CD163: variants seen among roughly 807,000 people sequenced by gnomAD.
CD163 encodes the protein CD163 molecule.
Under a neutral mutation model 129.2 loss-of-function variants are expected in CD163, and 64 were observed. The observed-to-expected ratio is 0.50, with a 90% CI of 0.41 to 0.61. The LOEUF (loss-of-function observed/expected upper bound fraction) is 0.61, where lower values mean the gene tolerates loss of function less well. CD163 is among the 20% of genes least tolerant of loss of function. The pLI, the probability that CD163 is intolerant of heterozygous loss-of-function variation, is 0.00. For synonymous variants in CD163, 446 were observed against 478.5 expected (o/e 0.93, Z 0.89); for missense variants, 1,061 against 1,377.9 (o/e 0.77, Z 3.64).
chr12:7,483,231 A>C, intron 12 of CD163, 136 bp downstream of exon 12: 1 of 864,300 alleles, frequency 1.2e-6, no homozygotes, highest in Non-Finnish European at 1.8e-6. Flanking sequence ...TTCTTTCAGT[A>C]GAGACATTAT....
intron 4 of CD163, 85 bp from the exon 5 acceptor site, chr12:7,497,218 A>G: frequency 9.1e-7 from 1 of 1,099,076 alleles, no homozygotes; most frequent in Non-Finnish European, 1.3e-6. Flanking sequence ...GAGTTAAGGA[A>G]AAGGGGAGAG....
intron 1 of CD163, among the ~76,000 whole-genome samples, chr12:7,503,379 T>C (rs1001934837): frequency 6.6e-6 from 1 of 152,234 alleles, no homozygotes; most frequent in Admixed American, 6.5e-5. Flanking sequence ...CAACTATTTT[T>C]TCATACTCAG....
intron 6 of CD163, among the ~76,000 whole-genome samples, chr12:7,492,963 G>C (rs1301168278): frequency 1.3e-5 from 2 of 152,264 alleles, no homozygotes; most frequent in Non-Finnish European, 2.9e-5. Context: ...TAAGGCAGTG[G>C]TCAATAATTA....
At position 7,485,201 on chromosome 12, in the gene CD163, T is replaced by TG; in HGVS notation, c.2673dup (p.Asn892GlnfsTer9). ...TCAGGTCCTTTTGGACACTGAACATTGTCCACCCACATGGGAATGGACATG... is the reference window on the plus strand; with the variant it reads ...TCAGGTCCTTTTGGACACTGAACATTGGTCCACCCACATGGGAATGGACATG... On this transcript the variant is annotated frameshift_variant, in exon 11 of 17. Transcript: ENST00000432237. LOFTEE classifies it high-confidence loss of function. The surrounding 1 kb of genome is among the most constrained non-coding windows in gnomAD (Gnocchi z 4.5). The TG allele has an allele frequency of 6.2e-7, 1 of 1,614,236 alleles. No homozygotes were observed. The highest frequency in any genetic ancestry group is 8.5e-7 in the Non-Finnish European group (1 of 1,180,026).
chr12:7,502,952 T>C (rs1391142973), intron 1 of CD163, among the ~76,000 whole-genome samples: 4 of 152,216 alleles, frequency 2.6e-5, no homozygotes, highest in Non-Finnish European at 5.9e-5. Context: ...TATTCAATTA[T>C]GGATGCCCCC....
In CD163 at chr12:7,501,451, T is replaced by C. The variant is rs1197779055; in HGVS notation, c.145A>G (p.Lys49Glu). The C allele has an allele frequency of 6.2e-7, 1 of 1,613,434 alleles. No homozygotes were observed. The highest frequency in any genetic ancestry group is 1.1e-5 in the South Asian group (1 of 91,074). The change falls in exon 3 of 17, where the codon AAG (lysine) becomes GAG (glutamate). Residue 49 changes from lysine (K) to glutamate (E), a missense_variant. Physicochemically the swap from Lys to Glu is moderately conservative, Grantham distance 56. Coordinates refer to ENST00000432237, the MANE Select transcript of CD163 (RefSeq NM_203416.4). ...FVTSSLGGTD[K>E]ELRLVDGENK... ...TCACCATCCACTAGCCTCAGCTCCT[T>C]GTCTGTTCCTCCTGCAACAATGGAT...
At chr12:7,499,315 C>T in intron 3 of CD163, 127 bp from the exon 4 acceptor site, 1 of 731,400 alleles carries the variant, frequency 1.4e-6, no homozygotes, top group Non-Finnish European at 2.3e-6. Context: ...TTGGACATTG[C>T]CCAGCTCCAC....
In CD163 at chr12:7,485,716, A is replaced by G. The variant is rs1591999640; in HGVS notation, c.2459-300T>C. Among the ~76,000 whole-genome samples, 2 of 152,114 alleles carry G rather than the reference A, an allele frequency of 1.3e-5. No homozygotes were observed. The highest frequency in any genetic ancestry group is 6.5e-5 in the Admixed American group (1 of 15,268). On this transcript the variant is annotated intron_variant, in intron 10 of 16. Coordinates refer to ENST00000432237, the MANE Select transcript of CD163 (RefSeq NM_203416.4). This position sits in a 1 kb window ranked among gnomAD's most constrained non-coding sequence, Gnocchi z 4.5. The stretch of plus-strand genomic sequence containing the variant: ...ACATAGTTTGGATTTTTTCCCAAAA[A>G]TATTCTCCTTTTTTTGCAACTGTCT...
chr12:7,502,548 A>G lies in CD163; in HGVS notation c.63T>C (p.Phe21=), dbSNP rs762061744. 13 of 1,572,912 alleles carry G rather than the reference A, an allele frequency of 8.3e-6. No homozygotes were observed. Among genetic ancestry groups the G allele is most frequent in the Non-Finnish European group, 1.1e-5 (13 of 1,149,242 alleles). Residue 21 remains phenylalanine, a synonymous_variant, in exon 2 of 17, where the codon TTT becomes TTC. Transcript: ENST00000432237. ...DSGSADFRRH[F]VNLSPFTITV... ...TAATGGTGAAGGGACTCAAGTTGAC[A>G]AAATGTCTTCTGAAGTCTGTGAAAA...
chr12:7,473,984 G>A (rs1393201291), intron 16 of CD163, among the ~76,000 whole-genome samples: 1 of 151,930 alleles, frequency 6.6e-6, no homozygotes, highest in Non-Finnish European at 1.5e-5. Context: ...AGACACAGAA[G>A]GTCATTACAT....
At chr12:7,495,422 T>C (rs1949386735) in intron 5 of CD163, 21 bp from the exon 6 acceptor site, 1 of 1,607,914 alleles carries the variant, frequency 6.2e-7, no homozygotes, top group Non-Finnish European at 8.5e-7. Flanking sequence ...AACATAAACT[T>C]AAACCATCGA....
intron 3 of CD163, among the ~76,000 whole-genome samples, chr12:7,500,886 C>A (rs1273948610): frequency 6.6e-6 from 1 of 152,112 alleles, no homozygotes; most frequent in Non-Finnish European, 1.5e-5. Context: ...TAAACCACCA[C>A]TTCTTGGCTT....
intron 11 of CD163, among the ~76,000 whole-genome samples, chr12:7,484,354 T>C (rs1018243739): frequency 6.6e-6 from 1 of 152,080 alleles, no homozygotes; most frequent in African/African-American, 2.4e-5. Context: ...TAAGAAGATG[T>C]AGAGGCCAGG....
At chr12:7,484,639 C>CAAAAA (rs10690784) in intron 11 of CD163, among the ~76,000 whole-genome samples, 6 of 100,452 alleles carry the variant, frequency 6.0e-5, no homozygotes, top group Non-Finnish European at 7.4e-5. Flanking sequence ...AACTCTGTCT[C>CAAAAA]AAAAAAAAAA....
intron 14 of CD163, 22 bp from the exon 15 acceptor site, chr12:7,481,278 T>C: frequency 3.2e-6 from 5 of 1,551,346 alleles, no homozygotes; most frequent in South Asian, 1.1e-5. Context: ...GATCCCTAGG[T>C]TAGGGATCAG....
chr12:7,472,138 AC>A (rs1949014159), intron 16 of CD163, among the ~76,000 whole-genome samples: 1 of 152,206 alleles, frequency 6.6e-6, no homozygotes, highest in African/African-American at 2.4e-5. Context: ...GCTTCAGCGC[AC>A]TTAAACATTC....
At chr12:7,472,479 G>A (rs1254249614) in intron 16 of CD163, among the ~76,000 whole-genome samples, 1 of 152,110 alleles carries the variant, frequency 6.6e-6, no homozygotes, top group Non-Finnish European at 1.5e-5. Context: ...TACAGAAGAG[G>A]GGCCTGACTG....
intron 4 of CD163, 132 bp from the exon 5 acceptor site, chr12:7,497,265 A>T (rs912989006): frequency 2.4e-5 from 17 of 705,130 alleles, no homozygotes; most frequent in Non-Finnish European, 4.0e-5. Flanking sequence ...GATGTACTGT[A>T]CTACCACTGG....
At chr12:7,481,730 T>C (rs1322854910) in intron 14 of CD163, among the ~76,000 whole-genome samples, 1 of 152,180 alleles carries the variant, frequency 6.6e-6, no homozygotes, top group Non-Finnish European at 1.5e-5. Flanking sequence ...ATGATACTCT[T>C]TAATGACTAT....
Sources: gnomAD v4.1 joint callset for allele counts (sites outside exome capture counted in the v4.1 genomes callset) on GRCh38, gnomAD v4.1.1 for gene constraint, Gnocchi (gnomAD v3.1) non-coding constraint, MANE v1.5 for transcripts, NCBI Gene and HGNC (gene_info 2026-07-23, HGNC 2026-07-21) for gene names.